KCNQ5: variants seen among roughly 807,000 people sequenced by gnomAD.
KCNQ5 encodes the protein potassium voltage-gated channel subfamily KQT member 5.
Under a neutral mutation model 98.2 loss-of-function variants are expected in KCNQ5, and 30 were observed. The observed-to-expected ratio is 0.31, with a 90% CI of 0.23 to 0.41. KCNQ5 has a LOEUF of 0.41. Among genes scored for constraint, KCNQ5 ranks in the 10% least tolerant of loss-of-function variants. KCNQ5 has a pLI of 1.00. For missense variants in KCNQ5, 835 were observed against 1,182.5 expected (o/e 0.71, Z 4.31); for synonymous variants, 458 against 449.4 (o/e 1.02, Z -0.24).
rs138990749 is a variant in KCNQ5 at position 72,941,377 on chromosome 6, C to CT, written c.399-62530dup. Among the ~76,000 whole-genome samples, 6 of 28,650 alleles carry CT rather than the reference C, an allele frequency of 2.1e-4. No individual in the cohort carries two copies. The Admixed American group carries it at 2.8e-3, about 13-fold the overall frequency. The allele number at this position is 28,650 out of a possible 152,430, so 18.8% of individuals were successfully genotyped here. A position where few individuals can be genotyped will look rare whatever the true frequency, so the allele number is the denominator to read the frequency against. On this transcript the variant is annotated intron_variant, in intron 1 of 13. Coordinates refer to ENST00000370398, the MANE Select transcript of KCNQ5 (RefSeq NM_019842.4). ...CCTTCTTTTCTTCCTTCCTTCTTTCCTCCTTCCTTCCTTCCTCCTTTCCTC... is the reference window on the plus strand; with the variant it reads ...CCTTCTTTTCTTCCTTCCTTCTTTCCTTCCTTCCTTCCTTCCTCCTTTCCTC...
At chr6:72,834,689 A>C (rs1776426773) in intron 1 of KCNQ5, among the ~76,000 whole-genome samples, 1 of 152,150 alleles carries the variant, frequency 6.6e-6, no homozygotes, top group Non-Finnish European at 1.5e-5. Flanking sequence ...TCCTTCTTTT[A>C]CGTGGAAATA....
chr6:72,737,294 C>T lies in KCNQ5; in HGVS notation c.398+114707C>T, dbSNP rs187606922. ...TTTAGTAGTAACAGTTTGATCATAACTTTCATCATATATATTATTTAATGT... is the reference window on the plus strand; with the variant it reads ...TTTAGTAGTAACAGTTTGATCATAATTTTCATCATATATATTATTTAATGT... On this transcript the variant is annotated intron_variant, in intron 1 of 13. Transcript: ENST00000370398. Among the ~76,000 whole-genome samples, 13 of 152,182 alleles carry T rather than the reference C, an allele frequency of 8.5e-5. No individual in the cohort carries two copies. The East Asian group carries it at 2.5e-3, about 29-fold the overall frequency.
chr6:72,749,472 T>A (rs991446437), intron 1 of KCNQ5, among the ~76,000 whole-genome samples: 5 of 150,600 alleles, frequency 3.3e-5, no homozygotes, highest in South Asian at 2.1e-4. Context: ...TAAAAAAAAA[T>A]TTCTCAGACT....
intron 1 of KCNQ5, among the ~76,000 whole-genome samples, chr6:72,842,971 C>A (rs544112462): frequency 1.6e-3 from 239 of 152,222 alleles, no homozygotes; most frequent in African/African-American, 5.6e-3. Context: ...CTTTGCTGTG[C>A]AGAAGCTCTT....
intron 3 of KCNQ5, among the ~76,000 whole-genome samples, chr6:73,073,896 T>C (rs1228143278): frequency 6.6e-6 from 1 of 152,196 alleles, no homozygotes; most frequent in Non-Finnish European, 1.5e-5. Context: ...CTTTAAATAA[T>C]AGGGAGATTT....
chr6:73,013,555 C>T (rs768090940), intron 2 of KCNQ5, among the ~76,000 whole-genome samples: 5 of 152,128 alleles, frequency 3.3e-5, no homozygotes, highest in Non-Finnish European at 7.4e-5. Context: ...TTATTAGGCT[C>T]ATTGATTTCT....
intron 7 of KCNQ5, among the ~76,000 whole-genome samples, chr6:73,111,817 G>A (rs974524802): frequency 6.6e-6 from 1 of 152,154 alleles, no homozygotes; most frequent in East Asian, 1.9e-4. Flanking sequence ...CTGTTTTAAA[G>A]AACAACATAT....
intron 13 of KCNQ5, among the ~76,000 whole-genome samples, chr6:73,193,296 A>T (rs1765665272): frequency 6.6e-6 from 1 of 151,742 alleles, no homozygotes; most frequent in South Asian, 2.1e-4. Flanking sequence ...CTGAGATTAC[A>T]GGCGTGAGCC....
intron 1 of KCNQ5, among the ~76,000 whole-genome samples, chr6:72,859,854 T>C (rs191695887): frequency 4.6e-5 from 7 of 152,226 alleles, no homozygotes; most frequent in Non-Finnish European, 8.8e-5. Context: ...CCTTCCAAAA[T>C]GCTAGGATTA....
At chr6:72,821,921 T>G (rs10943068) in intron 1 of KCNQ5, among the ~76,000 whole-genome samples, 39,212 of 151,798 alleles carry the variant, frequency 0.26, 5,242 homozygotes, top group Admixed American at 0.37. Context: ...TGAACCAGGA[T>G]CAAGGAGTTC....
intron 10 of KCNQ5, among the ~76,000 whole-genome samples, chr6:73,139,840 A>G (rs1488325348): frequency 6.6e-6 from 1 of 152,094 alleles, no homozygotes. Context: ...GCTTCCTGAC[A>G]CCTCGCTCCT....
In KCNQ5 at chr6:73,120,543, C is replaced by T; in HGVS notation, c.1186C>T (p.His396Tyr). Residue 396 changes from histidine to tyrosine, a missense_variant, in exon 8 of 14, where the codon CAC becomes TAC. By Grantham distance (83) the His-to-Tyr change is moderately conservative. This residue lies in a region of KCNQ5 where 146 missense variants were observed against 256.7 expected (regional missense o/e 0.57). Coordinates refer to ENST00000370398, the MANE Select transcript of KCNQ5 (RefSeq NM_019842.4). ...KSVSIATWKPHLKALHTCSPT... is the reference protein window; with the variant it reads ...KSVSIATWKPYLKALHTCSPT... Reference sequence around the variant, plus strand: ...TGTTTCCATTGCAACCTGGAAGCCACACTTGAAGGCCTTGCACACCTGCAG... The same window carrying T: ...TGTTTCCATTGCAACCTGGAAGCCATACTTGAAGGCCTTGCACACCTGCAG... 1 of 1,611,754 alleles carries T rather than the reference C, an allele frequency of 6.2e-7. No individual in the cohort carries two copies. The highest frequency in any genetic ancestry group is 8.5e-7 in the Non-Finnish European group (1 of 1,178,464).
chr6:73,157,109 C>T (rs1226250021), intron 10 of KCNQ5, among the ~76,000 whole-genome samples: 1 of 152,208 alleles, frequency 6.6e-6, no homozygotes, highest in African/African-American at 2.4e-5. Flanking sequence ...AAACTGTACA[C>T]TCACATATAC....
chr6:72,924,680 A>G (rs1282634105), intron 1 of KCNQ5, among the ~76,000 whole-genome samples: 1 of 152,154 alleles, frequency 6.6e-6, no homozygotes, highest in Admixed American at 6.5e-5. Flanking sequence ...TTCCACTCGC[A>G]TACCACACAC....
chr6:72,660,204 T>A (rs1429102393), intron 1 of KCNQ5, among the ~76,000 whole-genome samples: 1 of 152,222 alleles, frequency 6.6e-6, no homozygotes, highest in Non-Finnish European at 1.5e-5. Context: ...TACAAGCCAA[T>A]TCTCATTTTA....
intron 10 of KCNQ5, among the ~76,000 whole-genome samples, chr6:73,164,978 G>A (rs780972374): frequency 4.6e-5 from 7 of 151,792 alleles, no homozygotes; most frequent in African/African-American, 7.3e-5. Flanking sequence ...TCTGTACTGG[G>A]AATCTTTTTT....
chr6:72,866,541 G>A (rs941887592), intron 1 of KCNQ5, among the ~76,000 whole-genome samples: 8 of 151,968 alleles, frequency 5.3e-5, no homozygotes, highest in African/African-American at 1.9e-4. Context: ...AGACATGAGC[G>A]ACTGCATCTG....
At chr6:72,821,889 G>A (rs17742423) in intron 1 of KCNQ5, among the ~76,000 whole-genome samples, 27,898 of 151,818 alleles carry the variant, frequency 0.18, 2,994 homozygotes, top group South Asian at 0.37. Flanking sequence ...CCAGGTCCCT[G>A]GCCATGCTTC....
intron 10 of KCNQ5, among the ~76,000 whole-genome samples, chr6:73,166,493 G>T (rs1777800329): frequency 6.9e-6 from 1 of 144,356 alleles, no homozygotes; most frequent in East Asian, 2.1e-4. Flanking sequence ...AAAGTTCTTG[G>T]CACATAATTA....
Sources: gnomAD v4.1 joint callset for allele counts (sites outside exome capture counted in the v4.1 genomes callset) on GRCh38, gnomAD v4.1.1 for gene constraint, gnomAD v4.1.1 regional missense constraint, MANE v1.5 for transcripts, NCBI Gene and HGNC (gene_info 2026-07-23, HGNC 2026-07-21) for gene names.